CHSY3: variants seen among roughly 807,000 people sequenced by gnomAD.
CHSY3 encodes the protein chondroitin sulfate synthase 3, also known as N-acetylgalactosaminyl-proteoglycan 3-beta-glucuronosyltransferase 3.
CHSY3 carries 35 observed loss-of-function variants against 67.2 expected under a neutral mutation model. That is an observed-to-expected ratio of 0.52 (90% CI 0.40 to 0.69). The LOEUF is 0.69. Among genes scored for constraint, CHSY3 ranks in the 30% least tolerant of loss-of-function variants. The pLI is 0.00. For missense variants in CHSY3, 1,069 were observed against 1,138.5 expected (o/e 0.94, Z 0.88); for synonymous variants, 474 against 434.7 (o/e 1.09, Z -1.12).
Position 130,184,447 on chromosome 5 carries a change from T to C in CHSY3, c.1305T>C (p.Ser435=), listed in dbSNP as rs1216836569. 6.2e-7 allele frequency: 1 copy of C among 1,613,514 alleles called. No individual in the cohort carries two copies. The highest frequency in any genetic ancestry group is 2.2e-5 in the East Asian group (1 of 44,888). ...AAAGTGCCCTGATGAGCAAGCTCAGTAACACAGAAGTGAGCAAAGAGGACC... is the reference window on the plus strand; with the variant it reads ...AAAGTGCCCTGATGAGCAAGCTCAGCAACACAGAAGTGAGCAAAGAGGACC... ...HRESALMSKL[S]NTEVSKEDQQ... The change falls in exon 3 of 3, where the codon AGT becomes AGC. Residue 435 remains serine, a synonymous_variant. Transcript: ENST00000305031.
intron 2 of CHSY3, among the ~76,000 whole-genome samples, chr5:129,935,504 A>G (rs928673262): frequency 1.3e-5 from 2 of 152,160 alleles, no homozygotes; most frequent in Non-Finnish European, 2.9e-5. Context: ...CAAAATATTC[A>G]TCTAGCACAG....
intron 2 of CHSY3, among the ~76,000 whole-genome samples, chr5:129,976,895 T>C (rs1256672525): frequency 7.2e-6 from 1 of 138,414 alleles, no homozygotes; most frequent in East Asian, 2.2e-4. Context: ...CCTTCTTGTT[T>C]ATTACATATA....
chr5:130,175,665 C>A (rs1012224330), intron 2 of CHSY3, among the ~76,000 whole-genome samples: 1 of 152,082 alleles, frequency 6.6e-6, no homozygotes, highest in Non-Finnish European at 1.5e-5. Context: ...GATATATAGA[C>A]CAATGGAACA....
chr5:129,936,786 AG>A (rs1213762057), intron 2 of CHSY3, among the ~76,000 whole-genome samples: 4 of 152,202 alleles, frequency 2.6e-5, no homozygotes, highest in Non-Finnish European at 4.4e-5. Context: ...ATGGTATACA[AG>A]GTCTTAAACT....
intron 2 of CHSY3, among the ~76,000 whole-genome samples, chr5:130,049,767 C>A (rs1765273243): frequency 1.7e-5 from 1 of 59,840 alleles, no homozygotes; most frequent in Non-Finnish European, 3.0e-5. Flanking sequence ...TATATCTCCC[C>A]ATCTTTTTTT....
chr5:129,965,385 A>C (rs778664574), intron 2 of CHSY3, among the ~76,000 whole-genome samples: 5 of 152,008 alleles, frequency 3.3e-5, no homozygotes, highest in Non-Finnish European at 5.9e-5. Context: ...TTTCCAAATT[A>C]CATTTCCGTA....
intron 2 of CHSY3, among the ~76,000 whole-genome samples, chr5:130,044,593 G>A (rs1364235665): frequency 6.6e-6 from 1 of 152,086 alleles, no homozygotes; most frequent in Non-Finnish European, 1.5e-5. Context: ...GGATTGGTCA[G>A]TGAAAGTCAT....
intron 2 of CHSY3, among the ~76,000 whole-genome samples, chr5:129,987,044 A>G (rs1366761334): frequency 4.6e-5 from 7 of 152,210 alleles, no homozygotes; most frequent in Admixed American, 3.9e-4. Context: ...TTAATTTTAT[A>G]ATTTTTTAAA....
intron 2 of CHSY3, among the ~76,000 whole-genome samples, chr5:129,996,707 A>G (rs1763550121): frequency 6.6e-6 from 1 of 152,078 alleles, no homozygotes; most frequent in African/African-American, 2.4e-5. Context: ...TATCTTTATG[A>G]CAAACATGTA....
rs528584584 is a variant in CHSY3, at chr5:130,182,950, T to G, written c.1087-1279T>G. On this transcript the variant is annotated intron_variant, in intron 2 of 2. Coordinates refer to ENST00000305031, the MANE Select transcript of CHSY3 (RefSeq NM_175856.5). ...TAAGCTTATTTGTCTATTAATTGAG[T>G]TTTTTTTTTGAAGAGGCTGTTTTTT... 1.1e-4 allele frequency among the ~76,000 whole-genome samples: 15 copies of G among 142,836 alleles called. No homozygotes were observed. The East Asian group carries it at 2.5e-3, about 24-fold the overall frequency. The allele number at this position is 142,836 out of a possible 152,430, so 93.7% of individuals were successfully genotyped here. A position where few individuals can be genotyped will look rare whatever the true frequency, so the allele number is the denominator to read the frequency against.
intron 2 of CHSY3, among the ~76,000 whole-genome samples, chr5:130,018,919 C>A (rs892640203): frequency 6.6e-6 from 1 of 152,026 alleles, no homozygotes; most frequent in African/African-American, 2.4e-5. Flanking sequence ...AGCCAGGATG[C>A]CCTCAGGCTT....
intron 2 of CHSY3, among the ~76,000 whole-genome samples, chr5:130,113,636 C>T (rs1406983541): frequency 6.6e-6 from 1 of 152,106 alleles, no homozygotes; most frequent in Non-Finnish European, 1.5e-5. Flanking sequence ...TTGTCTATTA[C>T]AAGGCCCAGT....
intron 2 of CHSY3, among the ~76,000 whole-genome samples, chr5:129,972,361 C>A (rs2149614659): frequency 6.6e-6 from 1 of 152,096 alleles, no homozygotes; most frequent in South Asian, 2.1e-4. Flanking sequence ...TGTTTCCCTT[C>A]CTGCTTTCTA....
chr5:130,120,304 C>T (rs1767966777), intron 2 of CHSY3, among the ~76,000 whole-genome samples: 1 of 151,768 alleles, frequency 6.6e-6, no homozygotes, highest in Non-Finnish European at 1.5e-5. Flanking sequence ...TTTATTGCTA[C>T]CAGGGTCATA....
In CHSY3 at chr5:130,096,891, T is replaced by G. The variant is rs546639379; in HGVS notation, c.1087-87338T>G. On this transcript the variant is annotated intron_variant, in intron 2 of 2. Transcript: ENST00000305031. ...TCCAGAAATTATTATTTTTATTCTC[T>G]TATCCTTATAGTATTAACATTTTAT... 2.6e-5 allele frequency among the ~76,000 whole-genome samples: 4 copies of G among 152,324 alleles called. No homozygotes were observed. In the South Asian group the frequency reaches 8.3e-4, roughly 32 times the overall value.
chr5:129,967,017 C>A (rs1320380732), intron 2 of CHSY3, among the ~76,000 whole-genome samples: 1 of 151,748 alleles, frequency 6.6e-6, no homozygotes, highest in Non-Finnish European at 1.5e-5. Context: ...ATTTGACCAT[C>A]TTCTATTTAT....
intron 2 of CHSY3, among the ~76,000 whole-genome samples, chr5:130,116,380 A>G (rs1759571438): frequency 6.6e-6 from 1 of 152,194 alleles, no homozygotes; most frequent in South Asian, 2.1e-4. Context: ...ATGTTATCAA[A>G]ATAAGTTTGT....
intron 2 of CHSY3, chr5:129,974,886 C>A (rs1210085799): frequency 1.3e-5 from 2 of 152,100 alleles, no homozygotes; most frequent in Non-Finnish European, 2.9e-5. Flanking sequence ...TGAAATCTAA[C>A]ACTAGTGTTG....
At chr5:130,020,560 T>A (rs1261940496) in intron 2 of CHSY3, among the ~76,000 whole-genome samples, 1 of 150,256 alleles carries the variant, frequency 6.7e-6, no homozygotes, top group Non-Finnish European at 1.5e-5. Context: ...TCTCCTTGAC[T>A]TTTCACACTG....
Sources: gnomAD v4.1 joint callset for allele counts (sites outside exome capture counted in the v4.1 genomes callset) on GRCh38, gnomAD v4.1.1 for gene constraint, MANE v1.5 for transcripts, NCBI Gene and HGNC (gene_info 2026-07-23, HGNC 2026-07-21) for gene names.